Variants in UBL3 observed in about 807,000 individuals in gnomAD.
UBL3 encodes the protein ubiquitin like 3.
A neutral mutation model predicts 18.4 loss-of-function variants in UBL3; 6 were observed. That is an observed-to-expected ratio of 0.33 (90% confidence interval 0.18 to 0.64). UBL3 has a LOEUF of 0.64. Among genes scored for constraint, UBL3 ranks in the 30% least tolerant of loss-of-function variants. The pLI, the probability that UBL3 is intolerant of heterozygous loss-of-function variation, is 0.76. For missense variants in UBL3, 109 were observed against 142.9 expected, an observed-to-expected ratio of 0.76 and a Z score of 1.21; for synonymous variants, 49 against 46.6, an observed-to-expected ratio of 1.05 and a Z score of -0.21.
chr13:29,831,701 A>G (rs59191836), intron 1 of UBL3, among the ~76,000 whole-genome samples: 2 of 151,036 alleles, frequency 1.3e-5, no homozygotes, highest in Non-Finnish European at 3.0e-5. Context: ...CAGCTTACTT[A>G]ATGATAGAAA....
chr13:29,798,517 C>T (rs1291030309), intron 1 of UBL3, among the ~76,000 whole-genome samples: 2 of 152,186 alleles, frequency 1.3e-5, no homozygotes, highest in East Asian at 1.9e-4. Context: ...GAAGAGGCCA[C>T]AGTCCATAAG....
intron 1 of UBL3, among the ~76,000 whole-genome samples, chr13:29,819,499 G>A (rs575363364): frequency 2.9e-4 from 44 of 151,988 alleles, no homozygotes; most frequent in African/African-American, 1.0e-3. Context: ...CTACAAAGCT[G>A]GAAAAAAATT....
rs533422917 is a variant in UBL3, at chr13:29,787,928, T to C, written c.28-10665A>G. ...GGGTTAGAGTAGTATATATTCATGA[T>C]GGAGTTTCATGTATTTCAGGAAGAT... On this transcript the variant is annotated intron_variant, in intron 1 of 4. Transcript: ENST00000380680. Among the ~76,000 whole-genome samples the C allele has an allele frequency of 1.2e-4, 18 of 152,310 alleles. 1 individual carries two copies. Among genetic ancestry groups the C allele is most frequent in the African/African-American group, 3.8e-4 (16 of 41,576 alleles).
intron 1 of UBL3, among the ~76,000 whole-genome samples, chr13:29,837,987 T>C (rs180988476): frequency 1.2e-3 from 175 of 150,362 alleles, no homozygotes; most frequent in African/African-American, 3.8e-3. Flanking sequence ...AAGCCAAAGA[T>C]TGACTCAGGA....
chr13:29,835,159 T>TAA (rs2139363374), intron 1 of UBL3, among the ~76,000 whole-genome samples: 1 of 57,848 alleles, frequency 1.7e-5, no homozygotes, highest in South Asian at 5.2e-4. Flanking sequence ...TATATATATA[T>TAA]ATATATATAT....
chr13:29,784,340 C>G (rs994901733), intron 1 of UBL3, among the ~76,000 whole-genome samples: 7 of 152,002 alleles, frequency 4.6e-5, no homozygotes, highest in Non-Finnish European at 7.4e-5. Context: ...TACCAAAAGA[C>G]AAATACGTTG....
chr13:29,813,856 T>G (rs2139342934), intron 1 of UBL3, among the ~76,000 whole-genome samples: 1 of 152,198 alleles, frequency 6.6e-6, no homozygotes, highest in South Asian at 2.1e-4. Context: ...AAGCAACCTT[T>G]AAACACCACC....
At chr13:29,776,869 C>CAA (rs869080358) in intron 2 of UBL3, among the ~76,000 whole-genome samples, 23 of 62,734 alleles carry the variant, frequency 3.7e-4, no homozygotes, top group African/African-American at 1.1e-3. Context: ...GACTCCATCT[C>CAA]AAAAAAAAAA....
chr13:29,796,132 T>A (rs928447841), intron 1 of UBL3, among the ~76,000 whole-genome samples: 4 of 152,110 alleles, frequency 2.6e-5, no homozygotes, highest in Non-Finnish European at 4.4e-5. Flanking sequence ...AAAAATTAAG[T>A]CATTTGCTAA....
At chr13:29,809,066 C>G (rs943656023) in intron 1 of UBL3, among the ~76,000 whole-genome samples, 15 of 152,130 alleles carry the variant, frequency 9.9e-5, no homozygotes, top group African/African-American at 1.7e-4. Context: ...AGCACCTACC[C>G]TAGACACCTA....
intron 1 of UBL3, among the ~76,000 whole-genome samples, chr13:29,807,410 T>A (rs1298215013): frequency 6.6e-6 from 1 of 152,174 alleles, no homozygotes; most frequent in Non-Finnish European, 1.5e-5. Flanking sequence ...CCAGCTGCCT[T>A]ACTGCTCCTG....
chr13:29,773,375 A>G (rs1475672979), intron 2 of UBL3, among the ~76,000 whole-genome samples: 1 of 152,062 alleles, frequency 6.6e-6, no homozygotes, highest in African/African-American at 2.4e-5. Flanking sequence ...TTCTGATCCC[A>G]TTGTTCCCAG....
Position 29,849,533 on chromosome 13 carries a change from G to A in UBL3, c.6C>T (p.Ser2=). The A allele has an allele frequency of 1.2e-6, 2 of 1,613,940 alleles. No homozygotes were observed. The highest frequency in any genetic ancestry group is 1.1e-5 in the South Asian group (1 of 91,078). Residue 2 remains serine, a synonymous_variant, in exon 1 of 5, where the codon TCC becomes TCT. Coordinates refer to ENST00000380680, the MANE Select transcript of UBL3 (RefSeq NM_007106.4). ...TTACCATATCCGCCGGGACATTACT[G>A]GACATCTTGCCGTTTGATATACACC... M[S]SNVPADMINL...
rs1286605131 is a variant in UBL3, at chr13:29,774,961, T to G, written c.136+2194A>C. On this transcript the variant is annotated intron_variant, in intron 2 of 4. Coordinates refer to ENST00000380680, the MANE Select transcript of UBL3 (RefSeq NM_007106.4). ...TTTAATTGTTAGGAGGCTAATGAGATCAGAACAGGGGTTCACTTAACAAGT... is the reference window on the plus strand; with the variant it reads ...TTTAATTGTTAGGAGGCTAATGAGAGCAGAACAGGGGTTCACTTAACAAGT... Among the ~76,000 whole-genome samples the G allele has an allele frequency of 3.3e-5, 5 of 152,188 alleles. No homozygotes were observed. The East Asian group carries it at 9.6e-4, about 29-fold the overall frequency.
intron 1 of UBL3, among the ~76,000 whole-genome samples, chr13:29,826,817 C>T (rs1453624632): frequency 5.3e-5 from 8 of 152,272 alleles, no homozygotes; most frequent in African/African-American, 1.7e-4. Flanking sequence ...CTCTTGTGGG[C>T]ATTTAGTGCT....
chr13:29,823,574 G>T (rs186597722), intron 1 of UBL3, among the ~76,000 whole-genome samples: 225 of 152,272 alleles, frequency 1.5e-3, no homozygotes, highest in African/African-American at 5.1e-3. Context: ...ATCACAGAAA[G>T]AATAAATGTC....
intron 1 of UBL3, among the ~76,000 whole-genome samples, chr13:29,820,626 T>C (rs1878409413): frequency 6.6e-6 from 1 of 152,216 alleles, no homozygotes; most frequent in African/African-American, 2.4e-5. Context: ...ATCAAGCTTT[T>C]TTCTCCCTTG....
At chr13:29,828,759 T>G (rs1275941525) in intron 1 of UBL3, among the ~76,000 whole-genome samples, 1 of 152,234 alleles carries the variant, frequency 6.6e-6, no homozygotes, top group Non-Finnish European at 1.5e-5. Flanking sequence ...CTCTGATTTT[T>G]AGAATTTTCG....
intron 1 of UBL3, among the ~76,000 whole-genome samples, chr13:29,781,724 C>A: frequency 6.6e-6 from 1 of 150,530 alleles, no homozygotes; most frequent in Non-Finnish European, 1.5e-5. Context: ...TAGCTCACGG[C>A]TGTAATCTCA....
Sources: gnomAD v4.1 joint callset for allele counts (sites outside exome capture counted in the v4.1 genomes callset) on GRCh38, gnomAD v4.1.1 for gene constraint, MANE v1.5 for transcripts, NCBI Gene and HGNC (gene_info 2026-07-23, HGNC 2026-07-21) for gene names.